Variants in TLDC2 observed in about 807,000 individuals in gnomAD.
The protein encoded by TLDC2 is TLD domain-containing protein 2.
A neutral mutation model predicts 27.9 loss-of-function variants in TLDC2; 23 were observed. The observed-to-expected ratio is 0.82, with a 90% CI of 0.59 to 1.17. TLDC2 has a LOEUF of 1.17. Among genes scored for constraint, TLDC2 ranks in the 50% most tolerant of loss-of-function variants. The pLI is 0.00. For missense variants in TLDC2, 286 were observed against 273.4 expected, an observed-to-expected ratio of 1.05 and a Z score of -0.32; for synonymous variants, 124 against 107.4, an observed-to-expected ratio of 1.16 and a Z score of -0.96.
chr20:36,890,419 T>TTTCTTTCTTTC (rs1555830171), intron 6 of TLDC2: 29 of 21,314 alleles, frequency 1.4e-3, no homozygotes, highest in Admixed American at 3.4e-3. Context: ...TCTTTCTTTC[T>TTTCTTTCTTTC]TTTCTTTCTC....
chr20:36,892,069 G>A (rs373133202), intron 6 of TLDC2: 4 of 152,388 alleles, frequency 2.6e-5, no homozygotes, highest in East Asian at 3.9e-4. Context: ...CCCGGGTCTG[G>A]AGCCGCCACG....
chr20:36,883,205 C>T (rs929279660), intron 4 of TLDC2, among the ~76,000 whole-genome samples: 11 of 151,668 alleles, frequency 7.3e-5, no homozygotes, highest in Non-Finnish European at 1.0e-4. Flanking sequence ...AGCGCCATCT[C>T]GGCTCACCAC....
chr20:36,881,148 G>A (rs764176350), intron 4 of TLDC2, among the ~76,000 whole-genome samples: 13 of 152,182 alleles, frequency 8.5e-5, no homozygotes, highest in South Asian at 6.2e-4. Context: ...GGAGGCCAAC[G>A]AAGGTGGATT....
rs756659226 is a variant in TLDC2 at position 36,887,481 on chromosome 20, T to C, written c.465T>C (p.Ser155=). ...TCTTTAAGTGGACTGGAAGCAACTCTTTCTTTGTGAAGGGAGACTTGGATT... is the reference window on the plus strand; with the variant it reads ...TCTTTAAGTGGACTGGAAGCAACTCCTTCTTTGTGAAGGGAGACTTGGATT... The part of the protein sequence containing the change: ...LKVFKWTGSN[S]FFVKGDLDSL... The change falls in exon 5 of 7, where the codon TCT becomes TCC. Residue 155 remains serine, a synonymous_variant. Transcript: ENST00000217320. The C allele has an allele frequency of 1.1e-5, 17 of 1,614,118 alleles. 1 individual carries two copies. The highest frequency in any genetic ancestry group is 1.6e-4 in the Middle Eastern group (1 of 6,062).
intron 3 of TLDC2, 53 bp downstream of exon 3, chr20:36,879,246 T>G: frequency 6.4e-7 from 1 of 1,569,114 alleles, no homozygotes; most frequent in Admixed American, 1.8e-5. Flanking sequence ...CACCAGGTAC[T>G]CATGGGCCCT....
chr20:36,886,140 T>A (rs566131235), intron 4 of TLDC2, among the ~76,000 whole-genome samples: 1 of 152,280 alleles, frequency 6.6e-6, no homozygotes, highest in South Asian at 2.1e-4. Context: ...TTTTTTGTTG[T>A]TTTTTAGAGT....
In TLDC2 at chr20:36,893,113, CCAT is replaced by C. The variant is rs1224940723; in HGVS notation, c.*274_*276del. ...ACAGGCAATAGAGAAAAGCCAGTTT[CCAT>C]CATCTTATTTCTGAGTGAAAGTCTC... On this transcript the variant is annotated 3_prime_UTR_variant, in exon 7 of 7. Coordinates refer to ENST00000217320, the MANE Select transcript of TLDC2 (RefSeq NM_080628.3). 1 of 1,604,898 alleles carries C rather than the reference CCAT, an allele frequency of 6.2e-7. No individual in the cohort carries two copies. Among genetic ancestry groups the C allele is most frequent in the Admixed American group, 1.7e-5 (1 of 59,984 alleles).
chr20:36,893,023 T>G lies in TLDC2; in HGVS notation c.*179T>G, dbSNP rs758217797. On this transcript the variant is annotated 3_prime_UTR_variant, in exon 7 of 7. Transcript: ENST00000217320. The stretch of plus-strand genomic sequence containing the variant: ...TTGGACTGAAGTACTGTCGTTCCAT[T>G]CCTTTTTTTGAGGTGTTATGAGTGG... The G allele has an allele frequency of 6.2e-7, 1 of 1,614,020 alleles. No individual in the cohort carries two copies. Among genetic ancestry groups the G allele is most frequent in the East Asian group, 2.2e-5 (1 of 44,878 alleles).
Position 36,889,240 on chromosome 20 carries a change from CTT to C in TLDC2, c.513-10_513-9del. 6.2e-7 allele frequency: 1 copy of C among 1,613,972 alleles called. No individual in the cohort carries two copies. The highest frequency in any genetic ancestry group is 8.5e-7 in the Non-Finnish European group (1 of 1,179,902). On this transcript the variant is annotated splice_polypyrimidine_tract_variant and intron_variant, in intron 5 of 6. Transcript: ENST00000217320. ...GAGTGAGCCGCACCAAGACTGTCCT[CTT>C]CTCTCTAGTGGCCGGTTTGGGCTGT...
intron 4 of TLDC2, among the ~76,000 whole-genome samples, chr20:36,884,569 C>T (rs537447085): frequency 5.3e-5 from 8 of 152,020 alleles, no homozygotes; most frequent in Non-Finnish European, 7.4e-5. Context: ...GATCAGCCCT[C>T]ACAACATAGT....
At chr20:36,881,057 C>A (rs989239455) in intron 4 of TLDC2, among the ~76,000 whole-genome samples, 1 of 152,102 alleles carries the variant, frequency 6.6e-6, no homozygotes, top group Non-Finnish European at 1.5e-5. Context: ...GGTGGCAGGA[C>A]GACAAAGGAG....
At chr20:36,880,100 T>TAC (rs1989780466) in intron 3 of TLDC2, among the ~76,000 whole-genome samples, 1 of 41,580 alleles carries the variant, frequency 2.4e-5, no homozygotes, top group South Asian at 1.0e-3. Flanking sequence ...TATATATATA[T>TAC]ACTTTTTTTT....
Position 36,877,932 on chromosome 20 carries a change from G to A in TLDC2, c.67G>A (p.Glu23Lys), listed in dbSNP as rs2148343712. The A allele has an allele frequency of 1.2e-6, 2 of 1,613,984 alleles. No individual in the cohort carries two copies. Among genetic ancestry groups the A allele is most frequent in the Middle Eastern group, 1.7e-4 (1 of 5,996 alleles). Residue 23 changes from glutamate (E) to lysine (K), a missense_variant, in exon 2 of 7, where the codon GAG (glutamate) becomes AAG (lysine). Physicochemically the swap from Glu to Lys is moderately conservative, Grantham distance 56. Coordinates refer to ENST00000217320, the MANE Select transcript of TLDC2 (RefSeq NM_080628.3). Reference protein sequence around the residue: ...SQVEDTLSGEEGNEEEEEEEA... With the variant: ...SQVEDTLSGEKGNEEEEEEEA... Reference sequence around the variant, plus strand: ...GGTGGAGGACACCCTGTCTGGGGAGGAGGGTAACGAAGAGGAAGAGGAGGA... The same window carrying A: ...GGTGGAGGACACCCTGTCTGGGGAGAAGGGTAACGAAGAGGAAGAGGAGGA...
Position 36,893,981 on chromosome 20 carries a change from T to C in TLDC2, c.*1137T>C, listed in dbSNP as rs996040960. The stretch of plus-strand genomic sequence containing the variant: ...TCAGGTTTTTTCTCTCCCTACCTCC[T>C]CTGGCACGAGCGGCAGTGGCAGTGA... On this transcript the variant is annotated 3_prime_UTR_variant, in exon 7 of 7. Transcript: ENST00000217320. The C allele has an allele frequency of 1.8e-5, 7 of 398,488 alleles. No homozygotes were observed. Among genetic ancestry groups the C allele is most frequent in the Non-Finnish European group, 3.1e-5 (7 of 226,092 alleles). 24.7% of individuals were successfully genotyped at this position (398,488 alleles called of 1,614,324 possible).
Position 36,889,291 on chromosome 20 carries a change from G to C in TLDC2, c.553G>C (p.Gly185Arg). The C allele has an allele frequency of 1.9e-6, 3 of 1,614,096 alleles. No individual in the cohort carries two copies. The highest frequency in any genetic ancestry group is 2.5e-6 in the Non-Finnish European group (3 of 1,179,994). The change falls in exon 6 of 7, where the codon GGG (glycine) becomes CGG (arginine). Residue 185 changes from glycine (G) to arginine (R), a missense_variant. Transcript: ENST00000217320. The part of the protein sequence containing the change: ...GLWLDGDLFR[G>R]GSSPCPTFNN... ...GTGGTTGGATGGAGACTTGTTCCGCGGGGGAAGCTCCCCTTGCCCGACCTT... is the reference window on the plus strand; with the variant it reads ...GTGGTTGGATGGAGACTTGTTCCGCCGGGGAAGCTCCCCTTGCCCGACCTT...
intron 4 of TLDC2, among the ~76,000 whole-genome samples, chr20:36,884,724 T>TG (rs1989883464): frequency 6.6e-6 from 1 of 151,560 alleles, no homozygotes; most frequent in Non-Finnish European, 1.5e-5. Context: ...CTCATGCCAC[T>TG]GCATTCCAAC....
At chr20:36,876,914 C>T (rs952132109) in intron 1 of TLDC2, among the ~76,000 whole-genome samples, 4 of 152,188 alleles carry the variant, frequency 2.6e-5, no homozygotes, top group Non-Finnish European at 5.9e-5. Flanking sequence ...TCAATACCTC[C>T]ACACATTGAT....
chr20:36,882,214 C>T (rs1989830270), intron 4 of TLDC2, among the ~76,000 whole-genome samples: 1 of 152,182 alleles, frequency 6.6e-6, no homozygotes, highest in South Asian at 2.1e-4. Flanking sequence ...TGAGCAGTAC[C>T]TGCTTGGCAC....
Position 36,879,257 on chromosome 20 carries a change from G to A in TLDC2, c.342+64G>A, listed in dbSNP as rs1989748596. The A allele has an allele frequency of 2.1e-5, 32 of 1,544,496 alleles. 1 individual carries two copies. The South Asian group carries it at 2.5e-4, about 12-fold the overall frequency. On this transcript the variant is annotated intron_variant, in intron 3 of 6. Transcript: ENST00000217320. ...ACCCCACCAGGTACTCATGGGCCCT[G>A]TCCCAGGGCAGCTCAGGGACAAGCA...
Sources: gnomAD v4.1 joint callset for allele counts (sites outside exome capture counted in the v4.1 genomes callset) on GRCh38, gnomAD v4.1.1 for gene constraint, MANE v1.5 for transcripts, NCBI Gene and HGNC (gene_info 2026-07-23, HGNC 2026-07-21) for gene names.